PODXL2: variants seen among roughly 807,000 people sequenced by gnomAD.
PODXL2 encodes the protein podocalyxin-like protein 2.
Under a neutral mutation model 53.4 loss-of-function variants are expected in PODXL2, and 17 were observed. The observed-to-expected ratio is 0.32, with a 90% confidence interval of 0.22 to 0.48. The LOEUF is 0.48. Among genes scored for constraint, PODXL2 ranks in the 20% least tolerant of loss-of-function variants. The probability of loss-of-function intolerance (pLI) is 0.99; values close to 1 mark genes in which losing one functional copy is unlikely to be tolerated. For synonymous variants in PODXL2, 311 were observed against 306.7 expected (o/e 1.01, Z -0.15); for missense variants, 673 against 760.0 (o/e 0.89, Z 1.35).
At chr3:127,648,787 CTTT>C (rs988325770) in intron 2 of PODXL2, among the ~76,000 whole-genome samples, 1 of 97,854 alleles carries the variant, frequency 1.0e-5, no homozygotes, top group South Asian at 3.5e-4. Context: ...TTTTGTATTT[CTTT>C]TTTTTTTTTT....
At chr3:127,637,343 G>A (rs1485697113) in intron 1 of PODXL2, among the ~76,000 whole-genome samples, 2 of 152,158 alleles carry the variant, frequency 1.3e-5, no homozygotes, top group Non-Finnish European at 2.9e-5. Context: ...TTGTTTTAAT[G>A]TATTTGAAGA....
chr3:127,660,962 A>G lies in PODXL2; in HGVS notation c.934A>G (p.Thr312Ala), dbSNP rs149311102. 22 of 1,613,978 alleles carry G rather than the reference A, an allele frequency of 1.4e-5. No homozygotes were observed. The African/African-American group carries it at 2.0e-4, about 15-fold the overall frequency. Reference sequence around the variant, plus strand: ...GCCGGCCTTGCCTTCATTCCCTCAAACCACAGCTCCCAGTGGGGCCGAGCA... The same window carrying G: ...GCCGGCCTTGCCTTCATTCCCTCAAGCCACAGCTCCCAGTGGGGCCGAGCA... ...EVPALPSFPQ[T>A]TAPSGAEHPD... The change falls in exon 3 of 8, where the codon ACC becomes GCC. Residue 312 changes from threonine (T) to alanine (A), a missense_variant. Physicochemically the swap from Thr to Ala is moderately conservative, Grantham distance 58. Coordinates refer to ENST00000342480, the MANE Select transcript of PODXL2 (RefSeq NM_015720.4).
chr3:127,639,394 C>T lies in PODXL2; in HGVS notation c.220C>T (p.Leu74=). The part of the protein sequence containing the change: ...PSETMGLGAG[L]GAPGSGFPSE... Reference sequence around the variant, plus strand: ...TGAGACCATGGGCCTGGGAGCTGGGCTGGGAGCCCCTGGCTCAGGCTTCCC... The same window carrying T: ...TGAGACCATGGGCCTGGGAGCTGGGTTGGGAGCCCCTGGCTCAGGCTTCCC... The change falls in exon 2 of 8, where the codon CTG becomes TTG. Residue 74 remains leucine, a synonymous_variant. Coordinates refer to ENST00000342480, the MANE Select transcript of PODXL2 (RefSeq NM_015720.4). 1 of 1,614,244 alleles carries T rather than the reference C, an allele frequency of 6.2e-7. No individual in the cohort carries two copies. The highest frequency in any genetic ancestry group is 2.2e-5 in the East Asian group (1 of 44,890).
At chr3:127,643,410 A>G (rs545904863) in intron 2 of PODXL2, among the ~76,000 whole-genome samples, 7 of 151,820 alleles carry the variant, frequency 4.6e-5, no homozygotes, top group Non-Finnish European at 8.8e-5. Context: ...GGATTTCACT[A>G]TGTTGGCCAG....
At chr3:127,639,820 C>T (rs1414960187) in intron 2 of PODXL2, among the ~76,000 whole-genome samples, 2 of 152,190 alleles carry the variant, frequency 1.3e-5, no homozygotes, top group Admixed American at 6.5e-5. Context: ...CCCTTGTAGA[C>T]AAGAAAACAC....
chr3:127,647,446 T>C (rs2074663249), intron 2 of PODXL2, among the ~76,000 whole-genome samples: 1 of 152,178 alleles, frequency 6.6e-6, no homozygotes, highest in African/African-American at 2.4e-5. Flanking sequence ...TTAATTTTCC[T>C]AGTGAGTGAG....
intron 1 of PODXL2, among the ~76,000 whole-genome samples, chr3:127,630,853 ACAT>A (rs1224064962): frequency 4.6e-5 from 7 of 152,344 alleles, no homozygotes; most frequent in Admixed American, 3.9e-4. Context: ...CAATAAATAA[ACAT>A]CAATTGATTG....
intron 2 of PODXL2, 46 bp from the exon 3 acceptor site, chr3:127,660,332 A>G: frequency 6.3e-7 from 1 of 1,588,968 alleles, no homozygotes; most frequent in Non-Finnish European, 8.6e-7. Flanking sequence ...TGAGTAAAGC[A>G]ATGAATGATG....
chr3:127,665,977 A>ACTGCTTCTAGGCC, intron 4 of PODXL2: 1 of 463,376 alleles, frequency 2.2e-6, no homozygotes, highest in Non-Finnish European at 4.3e-6. Context: ...CTGGGGTGTC[A>ACTGCTTCTAGGCC]CTGCTTCTAG....
chr3:127,670,055 C>T (rs752135592), intron 6 of PODXL2, among the ~76,000 whole-genome samples: 2 of 152,232 alleles, frequency 1.3e-5, no homozygotes, highest in African/African-American at 2.4e-5. Flanking sequence ...TCCTTGCATG[C>T]CAGGGGAGCA....
chr3:127,670,785 C>T (rs182960036), intron 6 of PODXL2, among the ~76,000 whole-genome samples: 91 of 152,348 alleles, frequency 6.0e-4, no homozygotes, highest in African/African-American at 1.8e-3. Flanking sequence ...GAGATAGCAC[C>T]TGCCTGGCCC....
At chr3:127,661,209 C>G (rs757359730) in intron 3 of PODXL2, 50 bp downstream of exon 3, 1 of 1,429,196 alleles carries the variant, frequency 7.0e-7, no homozygotes, top group East Asian at 2.3e-5. Context: ...TTCACAGAGC[C>G]TGGCCATCCC....
intron 2 of PODXL2, among the ~76,000 whole-genome samples, chr3:127,655,643 G>A (rs1039991478): frequency 6.6e-5 from 10 of 152,324 alleles, no homozygotes; most frequent in African/African-American, 2.2e-4. Flanking sequence ...GTGAAACTGA[G>A]ACCACACTGT....
intron 2 of PODXL2, among the ~76,000 whole-genome samples, chr3:127,657,554 A>G (rs2074733000): frequency 6.6e-6 from 1 of 152,134 alleles, no homozygotes; most frequent in South Asian, 2.1e-4. Context: ...CTCCAGTGTC[A>G]TCACCGCCAT....
intron 6 of PODXL2, 45 bp from the exon 7 acceptor site, chr3:127,671,389 C>A: frequency 6.3e-7 from 1 of 1,583,396 alleles, no homozygotes; most frequent in Non-Finnish European, 8.7e-7. Context: ...GGAGCCATGG[C>A]ACCCCAGGAC....
chr3:127,652,016 G>A (rs895214498), intron 2 of PODXL2, among the ~76,000 whole-genome samples: 1 of 152,206 alleles, frequency 6.6e-6, no homozygotes, highest in South Asian at 2.1e-4. Flanking sequence ...GCAGACTGGG[G>A]AGAGGTCATG....
intron 2 of PODXL2, among the ~76,000 whole-genome samples, chr3:127,649,031 A>G (rs1338274608): frequency 1.3e-5 from 2 of 151,556 alleles, no homozygotes; most frequent in African/African-American, 4.9e-5. Flanking sequence ...ACCTCAGGAG[A>G]TCCACCTGCC....
At chr3:127,644,055 T>TCATGGCGG (rs2074637564) in intron 2 of PODXL2, among the ~76,000 whole-genome samples, 1 of 152,208 alleles carries the variant, frequency 6.6e-6, no homozygotes, top group Admixed American at 6.5e-5. Flanking sequence ...TCATCTATTG[T>TCATGGCGG]CATGGCGGCA....
chr3:127,644,891 G>C lies in PODXL2; in HGVS notation c.349+5368G>C, dbSNP rs143016268. Among the ~76,000 whole-genome samples, 40 of 152,326 alleles carry C rather than the reference G, an allele frequency of 2.6e-4. No homozygotes were observed. In the East Asian group the frequency reaches 7.1e-3, roughly 27 times the overall value. On this transcript the variant is annotated intron_variant, in intron 2 of 7. Coordinates refer to ENST00000342480, the MANE Select transcript of PODXL2 (RefSeq NM_015720.4). Reference sequence around the variant, plus strand: ...GGAGGCCAGGCAGGTGCAGGGAGGAGAGTTGCTTCAGTCCTGTCCCTCATT... The same window carrying C: ...GGAGGCCAGGCAGGTGCAGGGAGGACAGTTGCTTCAGTCCTGTCCCTCATT...
Sources: allele counts gnomAD v4.1 joint callset (sites outside exome capture counted in the v4.1 genomes callset), GRCh38; gene constraint gnomAD v4.1.1; transcripts MANE v1.5; gene names NCBI Gene and HGNC (gene_info 2026-07-23, HGNC 2026-07-21).